Variants in GAS2L2 observed in about 807,000 individuals in gnomAD.
The protein encoded by GAS2L2 is GAS2-like protein 2.
GAS2L2 carries 21 observed loss-of-function variants against 35.2 expected under a neutral mutation model. That is an observed-to-expected ratio of 0.60 (90% CI 0.42 to 0.86). The LOEUF (loss-of-function observed/expected upper bound fraction) is 0.86. Among genes scored for constraint, GAS2L2 ranks in the 40% least tolerant of loss-of-function variants. The pLI, the probability that GAS2L2 is intolerant of heterozygous loss-of-function variation, is 0.00. For synonymous variants in GAS2L2, 490 were observed against 473.2 expected, an observed-to-expected ratio of 1.04 and a Z score of -0.46; for missense variants, 1,169 against 1,144.4, an observed-to-expected ratio of 1.02 and a Z score of -0.31.
intron 5 of GAS2L2, 60 bp from the exon 6 acceptor site, chr17:35,746,471 G>C (rs782804531): frequency 8.6e-7 from 1 of 1,156,560 alleles, no homozygotes; most frequent in Admixed American, 2.9e-5. Flanking sequence ...GGGTCATCTA[G>C]TGTGGTCCCT....
intron 3 of GAS2L2, among the ~76,000 whole-genome samples, 198 bp downstream of exon 3, chr17:35,748,912 C>A (rs1555599370): frequency 6.6e-6 from 1 of 152,172 alleles, no homozygotes; most frequent in African/African-American, 2.4e-5. Flanking sequence ...AGAAGGAGAG[C>A]TCCAAGGCCT....
chr17:35,752,952 G>T lies in GAS2L2; in HGVS notation c.-102C>A. ...TCTCGGCTGGGTTCTTCCTGATTCT[G>T]AGGTTCCCGTGTACTCGCTGAGAGC... On this transcript the variant is annotated 5_prime_UTR_variant, in exon 1 of 6. Coordinates refer to ENST00000604641, the MANE Select transcript of GAS2L2 (RefSeq NM_139285.4). 7.7e-7 allele frequency: 1 copy of T among 1,306,640 alleles called. No homozygotes were observed. Among genetic ancestry groups the T allele is most frequent in the Non-Finnish European group, 1.0e-6 (1 of 970,680 alleles). The allele number at this position is 1,306,640 out of a possible 1,614,324, so 80.9% of individuals were successfully genotyped here.
chr17:35,752,320 G>T (rs1330805997), intron 1 of GAS2L2, 146 bp downstream of exon 1: 9 of 679,288 alleles, frequency 1.3e-5, no homozygotes, highest in Non-Finnish European at 2.3e-5. Flanking sequence ...TGGGGAAACT[G>T]AGGCATGAAA....
In GAS2L2 at chr17:35,745,594, C is replaced by G; in HGVS notation, c.1903G>C (p.Val635Leu). 1 of 1,613,902 alleles carries G rather than the reference C, an allele frequency of 6.2e-7. No homozygotes were observed. Among genetic ancestry groups the G allele is most frequent in the East Asian group, 2.2e-5 (1 of 44,876 alleles). The change falls in exon 6 of 6, where the codon GTC becomes CTC. Residue 635 changes from valine (V) to leucine (L), a missense_variant. By Grantham distance (32) the Val-to-Leu change is conservative. Coordinates refer to ENST00000604641, the MANE Select transcript of GAS2L2 (RefSeq NM_139285.4). ...TGCCCAGCCAGCCTGGGGATGTAGA[C>G]CCCACTGCGAGGGATGACCCCAGAC... Reference protein sequence around the residue: ...TRSGVIPRSGVYIPRLAGQWP... With the variant: ...TRSGVIPRSGLYIPRLAGQWP...
chr17:35,751,896 A>C (rs1598396964), intron 1 of GAS2L2, among the ~76,000 whole-genome samples: 1 of 118,808 alleles, frequency 8.4e-6, no homozygotes. Flanking sequence ...TCACTCTGTC[A>C]CCCAGGTTGG....
In GAS2L2 at chr17:35,752,969, G is replaced by A. The variant is rs1598397510; in HGVS notation, c.-119C>T. The stretch of plus-strand genomic sequence containing the variant: ...CTGATTCTGAGGTTCCCGTGTACTC[G>A]CTGAGAGCCCGGGACCTCCAGTGCT... On this transcript the variant is annotated 5_prime_UTR_variant, in exon 1 of 6. Coordinates refer to ENST00000604641, the MANE Select transcript of GAS2L2 (RefSeq NM_139285.4). 8 of 1,145,724 alleles carry A rather than the reference G, an allele frequency of 7.0e-6. No individual in the cohort carries two copies. Among genetic ancestry groups the A allele is most frequent in the South Asian group, 4.8e-5 (3 of 62,542 alleles). 71.0% of individuals were successfully genotyped at this position (1,145,724 alleles called of 1,614,324 possible).
chr17:35,746,402 C>G lies in GAS2L2; in HGVS notation c.1095G>C (p.Glu365Asp). The G allele has an allele frequency of 3.0e-6, 4 of 1,337,446 alleles. No homozygotes were observed. The highest frequency in any genetic ancestry group is 3.9e-6 in the Non-Finnish European group (4 of 1,035,226). 82.8% of individuals were successfully genotyped at this position (1,337,446 alleles called of 1,614,324 possible). The change falls in exon 6 of 6, where the codon GAG becomes GAC. Residue 365 changes from glutamate to aspartate, a missense_variant. Glu to Asp is a conservative substitution (Grantham distance 45). Coordinates refer to ENST00000604641, the MANE Select transcript of GAS2L2 (RefSeq NM_139285.4). ...REMAPFLRCQ[E>D]RSLIPSWRQP... is the part of the protein sequence containing the mutation. ...GCCTCCAAGATGGGATGAGAGACCT[C>G]TCCTGGCACCTGAAAGGGAGAATCA...
intron 1 of GAS2L2, among the ~76,000 whole-genome samples, chr17:35,750,625 G>C (rs1041562689): frequency 2.6e-5 from 4 of 152,168 alleles, no homozygotes; most frequent in African/African-American, 9.7e-5. Flanking sequence ...CTGTGGATGA[G>C]AGAAGGATGA....
rs781966545 is a variant in GAS2L2, at chr17:35,746,280, C to T, written c.1217G>A (p.Arg406Lys). 6.9e-7 allele frequency: 1 copy of T among 1,439,206 alleles called. No individual in the cohort carries two copies. The allele number at this position is 1,439,206 out of a possible 1,614,324, so 89.2% of individuals were successfully genotyped here. A position where few individuals can be genotyped will look rare whatever the true frequency, so the allele number is the denominator to read the frequency against. Residue 406 changes from arginine to lysine, a missense_variant, in exon 6 of 6, where the codon AGA becomes AAA. Physicochemically the swap from Arg to Lys is conservative, Grantham distance 26. Transcript: ENST00000604641. ...TCCCCTGGGGAGTTCAGGGGGGTAT[C>T]TCTCCTCCCTCTTTCCTGACGAGGT... ...QCTSSGKREERYPPELPRGRI... is the reference protein window; with the variant it reads ...QCTSSGKREEKYPPELPRGRI...
Position 35,750,232 on chromosome 17 carries a change from C to A in GAS2L2, c.472G>T (p.Ala158Ser). ...VLCLLELGRRAWRFGVAAPTL... is the reference protein window; with the variant it reads ...VLCLLELGRRSWRFGVAAPTL... ...GGCGCCGCAACACCAAAGCGCCACG[C>A]CCGGCGGCCCAGCTCCAGCAAACAC... The change falls in exon 2 of 6, where the codon GCG becomes TCG. Residue 158 changes from alanine (A) to serine (S), a missense_variant. Ala to Ser is a moderately conservative substitution (Grantham distance 99, BLOSUM62 1). Transcript: ENST00000604641. The A allele has an allele frequency of 6.2e-7, 1 of 1,613,902 alleles. No homozygotes were observed. Among genetic ancestry groups the A allele is most frequent in the Non-Finnish European group, 8.5e-7 (1 of 1,179,866 alleles).
rs1555599689 is a variant in GAS2L2, at chr17:35,750,866, TCA to T, written c.386-550_386-549del. On this transcript the variant is annotated intron_variant, in intron 1 of 5. Coordinates refer to ENST00000604641, the MANE Select transcript of GAS2L2 (RefSeq NM_139285.4). ...ATGACCTTGAGCTAGACCCTGAGCC[TCA>T]GTTTCCTCTTCTGTAAAATGGGGAT... 5.3e-5 allele frequency among the ~76,000 whole-genome samples: 8 copies of T among 152,316 alleles called. 1 individual carries two copies. The highest frequency in any genetic ancestry group is 4.1e-4 in the South Asian group (2 of 4,824).
chr17:35,746,429 A>C lies in GAS2L2; in HGVS notation c.1086-18T>G. The C allele has an allele frequency of 7.6e-7, 1 of 1,319,430 alleles. No individual in the cohort carries two copies. The highest frequency in any genetic ancestry group is 9.8e-7 in the Non-Finnish European group (1 of 1,022,942). The allele number at this position is 1,319,430 out of a possible 1,614,324, so 81.7% of individuals were successfully genotyped here. A position where few individuals can be genotyped will look rare whatever the true frequency, so the allele number is the denominator to read the frequency against. ...CCTGGCACCTGAAAGGGAGAATCACAAGGCTGCAAAGGGAGACTCATCAGG... is the reference window on the plus strand; with the variant it reads ...CCTGGCACCTGAAAGGGAGAATCACCAGGCTGCAAAGGGAGACTCATCAGG... On this transcript the variant is annotated intron_variant, in intron 5 of 5. Coordinates refer to ENST00000604641, the MANE Select transcript of GAS2L2 (RefSeq NM_139285.4).
chr17:35,750,184 C>T lies in GAS2L2; in HGVS notation c.520G>A (p.Glu174Lys), dbSNP rs1470661882. ...TCCCGCCGCACCTCCTCCTCGATCT[C>T]CTCCTCCAGCTGCACGAGTGTGGGC... ...AAPTLVQLEE[E>K]IEEEVRRELA... The change falls in exon 2 of 6, where the codon GAG becomes AAG. Residue 174 changes from glutamate (E) to lysine (K), a missense_variant. This residue lies in a region of GAS2L2 where 1,035 missense variants were observed against 976.5 expected (regional missense o/e 1.06). Transcript: ENST00000604641. 4 of 1,613,044 alleles carry T rather than the reference C, an allele frequency of 2.5e-6. No homozygotes were observed. The highest frequency in any genetic ancestry group is 1.3e-5 in the African/African-American group (1 of 74,888).
rs587677612 is a variant in GAS2L2, at chr17:35,751,848, C to CTTTT, written c.385+614_385+617dup. 1.3e-3 allele frequency among the ~76,000 whole-genome samples: 127 copies of CTTTT among 99,988 alleles called. 15 individuals are homozygous for CTTTT. Among genetic ancestry groups the CTTTT allele is most frequent in the African/African-American group, 5.3e-3 (108 of 20,526 alleles). 65.6% of individuals were successfully genotyped at this position (99,988 alleles called of 152,430 possible). A position where few individuals can be genotyped will look rare whatever the true frequency, so the allele number is the denominator to read the frequency against. On this transcript the variant is annotated intron_variant, in intron 1 of 5. Coordinates refer to ENST00000604641, the MANE Select transcript of GAS2L2 (RefSeq NM_139285.4). Reference sequence around the variant, plus strand: ...TATCCCTCTACCTCTCTCTCTCTCTCTTTTTTTTTTTTTTTTTTTTTTTTT... The same window carrying CTTTT: ...TATCCCTCTACCTCTCTCTCTCTCTCTTTTTTTTTTTTTTTTTTTTTTTTTTTTT...
rs2085665029 is a variant in GAS2L2 at position 35,746,006 on chromosome 17, G to A, written c.1491C>T (p.Val497=). The A allele has an allele frequency of 6.4e-7, 1 of 1,574,716 alleles. No individual in the cohort carries two copies. Among genetic ancestry groups the A allele is most frequent in the Non-Finnish European group, 8.6e-7 (1 of 1,158,106 alleles). ...EPESVRSPTP[V]QGLTKIPIRL... ...GGATGGGGATCTTGGTTAGGCCTTG[G>A]ACAGGGGTTGGAGAACGGACAGACT... Residue 497 remains valine, a synonymous_variant, in exon 6 of 6, where the codon GTC becomes GTT. Transcript: ENST00000604641.
At chr17:35,749,370 C>T (rs1555599449) in intron 2 of GAS2L2, among the ~76,000 whole-genome samples, 153 bp from the exon 3 acceptor site, 1 of 152,184 alleles carries the variant, frequency 6.6e-6, no homozygotes, top group Non-Finnish European at 1.5e-5. Flanking sequence ...TGTAAATGAC[C>T]CAGCGAGAAC....
At position 35,745,516 on chromosome 17, in the gene GAS2L2, C is replaced by T. The variant is rs2085659988; in HGVS notation, c.1981G>A (p.Gly661Arg). ...YDKAIQELAQ[G>R]SPSLLKVDLE... The stretch of plus-strand genomic sequence containing the variant: ...TCCACTTTAAGGAGGGATGGGGACC[C>T]CTGAGCCAGTTCTTGGATGGCTTTG... Residue 661 changes from glycine to arginine, a missense_variant, in exon 6 of 6, where the codon GGG becomes AGG. Gly to Arg is a moderately radical substitution (Grantham distance 125). Transcript: ENST00000604641. 1.9e-6 allele frequency: 3 copies of T among 1,610,976 alleles called. No homozygotes were observed. Among genetic ancestry groups the T allele is most frequent in the Non-Finnish European group, 2.5e-6 (3 of 1,178,026 alleles).
intron 1 of GAS2L2, among the ~76,000 whole-genome samples, chr17:35,751,768 C>T (rs2085704651): frequency 6.6e-6 from 1 of 151,630 alleles, no homozygotes; most frequent in Admixed American, 6.6e-5. Context: ...CCCTGGCTCC[C>T]AGCATTACAC....
Position 35,745,505 on chromosome 17 carries a change from G to A in GAS2L2, c.1992C>T (p.Ser664=), listed in dbSNP as rs782108563. 2 of 1,608,072 alleles carry A rather than the reference G, an allele frequency of 1.2e-6. No homozygotes were observed. The highest frequency in any genetic ancestry group is 1.7e-4 in the Middle Eastern group (1 of 6,058). ...AIQELAQGSP[S]LLKVDLEAWK... is the part of the protein sequence containing the mutation. ...AGGCTTCCAGGTCCACTTTAAGGAG[G>A]GATGGGGACCCCTGAGCCAGTTCTT... The change falls in exon 6 of 6, where the codon TCC becomes TCT. Residue 664 remains serine, a synonymous_variant. Transcript: ENST00000604641.
Sources: gnomAD v4.1 joint callset for allele counts (sites outside exome capture counted in the v4.1 genomes callset) on GRCh38, gnomAD v4.1.1 for gene constraint, gnomAD v4.1.1 regional missense constraint, MANE v1.5 for transcripts, NCBI Gene and HGNC (gene_info 2026-07-23, HGNC 2026-07-21) for gene names.